NELL1: variants seen among roughly 807,000 people sequenced by gnomAD.
NELL1 encodes neural EGFL like 1.
A neutral mutation model predicts 107.4 loss-of-function variants in NELL1; 76 were observed. The observed-to-expected ratio is 0.71, with a 90% CI of 0.59 to 0.86. The LOEUF (loss-of-function observed/expected upper bound fraction) is 0.86, where lower values mean the gene tolerates loss of function less well. NELL1 is among the 40% of genes least tolerant of loss of function. The pLI, the probability that NELL1 is intolerant of heterozygous loss-of-function variation, is 0.00. For synonymous variants in NELL1, 353 were observed against 341.2 expected, an observed-to-expected ratio of 1.03 and a Z score of -0.38; for missense variants, 1,024 against 1,005.5, an observed-to-expected ratio of 1.02 and a Z score of -0.25.
chr11:21,406,766 A>G (rs1476287791), intron 15 of NELL1, among the ~76,000 whole-genome samples: 1 of 152,024 alleles, frequency 6.6e-6, no homozygotes, highest in Non-Finnish European at 1.5e-5. Context: ...ACAGTGTGTA[A>G]TAATCATATC....
chr11:20,744,384 T>C (rs1855956381), intron 2 of NELL1, among the ~76,000 whole-genome samples: 1 of 152,250 alleles, frequency 6.6e-6, no homozygotes, highest in Non-Finnish European at 1.5e-5. Flanking sequence ...CTTCTCACTG[T>C]CTGAACATGC....
intron 15 of NELL1, among the ~76,000 whole-genome samples, chr11:21,385,621 T>TGTTC (rs1851727140): frequency 2.6e-5 from 4 of 151,852 alleles, no homozygotes; most frequent in Non-Finnish European, 5.9e-5. Context: ...CCAGTCTTAC[T>TGTTC]CCTCCCTCAC....
At chr11:21,166,489 G>A (rs1476788238) in intron 13 of NELL1, among the ~76,000 whole-genome samples, 2 of 151,818 alleles carry the variant, frequency 1.3e-5, no homozygotes, top group Admixed American at 6.6e-5. Context: ...AAGAATAAAT[G>A]CTTGTCATGA....
chr11:21,492,519 G>A (rs921014856), intron 15 of NELL1, among the ~76,000 whole-genome samples: 8 of 151,540 alleles, frequency 5.3e-5, no homozygotes, highest in Non-Finnish European at 1.0e-4. Context: ...ATGATAGACT[G>A]GATTAAGAAA....
chr11:20,721,181 GTATA>G (rs137948986), intron 2 of NELL1, among the ~76,000 whole-genome samples: 2 of 125,850 alleles, frequency 1.6e-5, no homozygotes, highest in African/African-American at 7.2e-5. Context: ...TATATTTTGT[GTATA>G]TATATATATA....
chr11:20,676,145 G>A (rs560342084), intron 1 of NELL1, among the ~76,000 whole-genome samples: 1 of 152,114 alleles, frequency 6.6e-6, no homozygotes, highest in South Asian at 2.1e-4. Context: ...TTCCTCGTTT[G>A]CATGCACCCT....
At chr11:20,944,925 T>A (rs1032985831) in intron 10 of NELL1, among the ~76,000 whole-genome samples, 21 of 152,320 alleles carry the variant, frequency 1.4e-4, no homozygotes, top group Non-Finnish European at 2.8e-4. Context: ...TGATTATTTT[T>A]AAAAAATCTT....
chr11:20,821,899 T>G (rs7925869), intron 3 of NELL1, among the ~76,000 whole-genome samples: 103,195 of 152,122 alleles, frequency 0.68, 35,632 homozygotes, highest in Non-Finnish European at 0.75. Flanking sequence ...AAAGCTCTTA[T>G]TTAATACCCT....
chr11:21,166,043 C>T (rs1471132107), intron 13 of NELL1, among the ~76,000 whole-genome samples: 1 of 151,694 alleles, frequency 6.6e-6, no homozygotes, highest in African/African-American at 2.4e-5. Context: ...GGGTAAGCCA[C>T]CGTGCCTGGC....
intron 14 of NELL1, among the ~76,000 whole-genome samples, chr11:21,353,307 T>G (rs1009036959): frequency 2.0e-5 from 3 of 152,196 alleles, no homozygotes; most frequent in Admixed American, 6.5e-5. Flanking sequence ...GCACTTACTT[T>G]CATATTTCCC....
chr11:20,977,628 A>G (rs140932627), intron 12 of NELL1, among the ~76,000 whole-genome samples: 42 of 152,212 alleles, frequency 2.8e-4, no homozygotes, highest in African/African-American at 9.9e-4. Context: ...AACATACTCA[A>G]ATTATTAAAT....
intron 1 of NELL1, among the ~76,000 whole-genome samples, chr11:20,671,800 T>C (rs1853918677): frequency 6.6e-6 from 1 of 151,952 alleles, no homozygotes; most frequent in African/African-American, 2.4e-5. Flanking sequence ...GGTAGGAGTA[T>C]AAGTTTGTAT....
chr11:21,434,457 C>A (rs1015385449), intron 15 of NELL1, among the ~76,000 whole-genome samples: 2 of 151,864 alleles, frequency 1.3e-5, no homozygotes, highest in African/African-American at 4.8e-5. Context: ...TGCCCTTTAC[C>A]CAATATATAT....
intron 3 of NELL1, among the ~76,000 whole-genome samples, chr11:20,784,737 T>C (rs11025760): frequency 0.28 from 43,244 of 151,772 alleles, 6,890 homozygotes; most frequent in African/African-American, 0.42. Context: ...TTCCTCTGTA[T>C]TAGTCCACTG....
intron 5 of NELL1, among the ~76,000 whole-genome samples, chr11:20,895,419 C>G (rs1210845387): frequency 6.8e-6 from 1 of 146,310 alleles, no homozygotes; most frequent in East Asian, 2.1e-4. Context: ...TGTTATCTGT[C>G]TTTCCGCTCT....
rs1366832427 is a variant in NELL1 at position 21,575,145 on chromosome 11, A to C, written c.*123A>C. On this transcript the variant is annotated 3_prime_UTR_variant, in exon 20 of 20. Coordinates refer to ENST00000357134, the MANE Select transcript of NELL1 (RefSeq NM_006157.5). ...TTTTTTTAACCACAGATAATTGCCA[A>C]AGTTTCCACCTGAGGACGGTGTTTG... 2 of 870,760 alleles carry C rather than the reference A, an allele frequency of 2.3e-6. No homozygotes were observed. The highest frequency in any genetic ancestry group is 3.4e-5 in the African/African-American group (2 of 59,594). 53.9% of individuals were successfully genotyped at this position (870,760 alleles called of 1,614,324 possible).
At chr11:21,046,873 A>G (rs1029700308) in intron 12 of NELL1, among the ~76,000 whole-genome samples, 3 of 150,780 alleles carry the variant, frequency 2.0e-5, no homozygotes, top group Non-Finnish European at 4.4e-5. Flanking sequence ...ATGCCTGGCT[A>G]ATTTTTAAAC....
At chr11:20,834,188 G>A (rs1302991116) in intron 3 of NELL1, among the ~76,000 whole-genome samples, 1 of 152,194 alleles carries the variant, frequency 6.6e-6, no homozygotes. Context: ...AGCTGTGAAG[G>A]AGATTTGGAA....
chr11:21,141,744 TA>T (rs1400775348), intron 13 of NELL1, among the ~76,000 whole-genome samples: 1 of 146,410 alleles, frequency 6.8e-6, no homozygotes, highest in Admixed American at 6.7e-5. Flanking sequence ...CCTTTTTATT[TA>T]TTTATTTATT....
Sources: gnomAD v4.1 joint callset for allele counts (sites outside exome capture counted in the v4.1 genomes callset) on GRCh38, gnomAD v4.1.1 for gene constraint, MANE v1.5 for transcripts, NCBI Gene and HGNC (gene_info 2026-07-23, HGNC 2026-07-21) for gene names.